Variants in PTPRT observed in about 807,000 individuals in gnomAD.
The protein encoded by PTPRT is protein tyrosine phosphatase receptor type T.
In PTPRT, 56 loss-of-function variants were observed where a neutral mutation model predicts 176.8. The ratio of observed to expected loss-of-function variants is 0.32; its 90% CI spans 0.26 to 0.40. The LOEUF is 0.40. Among genes scored for constraint, PTPRT ranks in the 10% least tolerant of loss-of-function variants. The probability of loss-of-function intolerance (pLI) is 1.00; values close to 1 mark genes in which losing one functional copy is unlikely to be tolerated. For synonymous variants in PTPRT, 783 were observed against 739.0 expected, an observed-to-expected ratio of 1.06 and a Z score of -0.96; for missense variants, 1,540 against 1,908.2, an observed-to-expected ratio of 0.81 and a Z score of 3.60.
chr20:42,070,002 G>A (rs966330846), downstream of PTPRT, among the ~76,000 whole-genome samples: 2 of 152,162 alleles, frequency 1.3e-5, no homozygotes, highest in African/African-American at 4.8e-5. Flanking sequence ...AGCCACTCAG[G>A]CCAAGCCTTT....
At chr20:42,159,624 G>A (rs887609753) in intron 17 of PTPRT, among the ~76,000 whole-genome samples, 5 of 151,996 alleles carry the variant, frequency 3.3e-5, no homozygotes, top group East Asian at 3.9e-4. Flanking sequence ...ACTCTAATTC[G>A]AATATCCTTT....
At chr20:42,274,592 T>TGTGTATGTGTGTG (rs2056997091) in intron 13 of PTPRT, among the ~76,000 whole-genome samples, 1 of 138,172 alleles carries the variant, frequency 7.2e-6, no homozygotes, top group African/African-American at 2.6e-5. Context: ...TGTGTGTGTG[T>TGTGTATGTGTGTG]TAGCCTGCAA....
At chr20:43,061,090 G>GGATGGATA (rs1304391828) in intron 1 of PTPRT, among the ~76,000 whole-genome samples, 9 of 140,496 alleles carry the variant, frequency 6.4e-5, no homozygotes, top group African/African-American at 2.6e-4. Context: ...ATAAATGAAT[G>GGATGGATA]GATGGATGGA....
chr20:42,881,392 A>G (rs2079007572), intron 2 of PTPRT, among the ~76,000 whole-genome samples: 1 of 152,202 alleles, frequency 6.6e-6, no homozygotes, highest in African/African-American at 2.4e-5. Flanking sequence ...CGGATAAGGG[A>G]AGATTGCCTT....
intron 7 of PTPRT, among the ~76,000 whole-genome samples, chr20:42,531,591 T>C (rs952992094): frequency 6.6e-6 from 1 of 152,148 alleles, no homozygotes; most frequent in African/African-American, 2.4e-5. Context: ...CAGTTTCATT[T>C]TGGGGTATAG....
chr20:42,231,309 T>C (rs554235068), intron 15 of PTPRT, among the ~76,000 whole-genome samples: 2 of 152,294 alleles, frequency 1.3e-5, no homozygotes, highest in African/African-American at 4.8e-5. Flanking sequence ...GTAAGAAGAA[T>C]GGGTAGGGCT....
intron 7 of PTPRT, among the ~76,000 whole-genome samples, chr20:42,514,574 C>A (rs928355022): frequency 6.6e-6 from 1 of 151,992 alleles, no homozygotes; most frequent in Non-Finnish European, 1.5e-5. Context: ...TTTGGGGGTG[C>A]CTTTTGAAGA....
intron 15 of PTPRT, among the ~76,000 whole-genome samples, chr20:42,217,181 C>T (rs1481111221): frequency 6.6e-6 from 1 of 151,994 alleles, no homozygotes; most frequent in Non-Finnish European, 1.5e-5. Flanking sequence ...CGAGACCAGC[C>T]TGGCCAACAT....
At chr20:42,890,999 T>A (rs1017700220) in intron 1 of PTPRT, among the ~76,000 whole-genome samples, 2 of 152,214 alleles carry the variant, frequency 1.3e-5, no homozygotes, top group African/African-American at 4.8e-5. Flanking sequence ...CCATGTAAGA[T>A]GTGCCTTTCA....
At chr20:43,115,265 G>T (rs2013015855) in intron 1 of PTPRT, among the ~76,000 whole-genome samples, 1 of 152,178 alleles carries the variant, frequency 6.6e-6, no homozygotes, top group African/African-American at 2.4e-5. Context: ...AAGACAGCAG[G>T]TACCAAGCAG....
At chr20:42,803,791 C>T (rs2077565594) in intron 2 of PTPRT, among the ~76,000 whole-genome samples, 1 of 152,152 alleles carries the variant, frequency 6.6e-6, no homozygotes, top group South Asian at 2.1e-4. Context: ...TGACCTCAGG[C>T]AATCTGCCCG....
intron 2 of PTPRT, among the ~76,000 whole-genome samples, chr20:42,862,040 G>GCA (rs150327242): frequency 6.2e-4 from 94 of 150,702 alleles, no homozygotes; most frequent in East Asian, 2.1e-3. Context: ...TTATACACAC[G>GCA]CACACACACA....
chr20:42,885,013 C>A (rs1349474843), intron 2 of PTPRT, among the ~76,000 whole-genome samples: 1 of 151,866 alleles, frequency 6.6e-6, no homozygotes, highest in South Asian at 2.1e-4. Context: ...TCAGGTGTAC[C>A]TCACAGGCCT....
At chr20:42,380,665 A>G (rs2058690356) in intron 9 of PTPRT, among the ~76,000 whole-genome samples, 1 of 152,156 alleles carries the variant, frequency 6.6e-6, no homozygotes, top group Non-Finnish European at 1.5e-5. Flanking sequence ...GTAGCTTTGC[A>G]TTGCACTTAT....
intron 1 of PTPRT, among the ~76,000 whole-genome samples, chr20:43,145,935 T>C (rs1022773307): frequency 2.6e-5 from 4 of 152,246 alleles, no homozygotes; most frequent in African/African-American, 9.6e-5. Flanking sequence ...AGATCATTTA[T>C]AGGACTTCGT....
chr20:43,106,135 G>T (rs975405564), intron 1 of PTPRT, among the ~76,000 whole-genome samples: 6 of 152,056 alleles, frequency 3.9e-5, no homozygotes, highest in African/African-American at 1.4e-4. Context: ...GGAACAGCAT[G>T]AACCAGAGGT....
At chr20:42,539,713 T>G (rs926259959) in intron 7 of PTPRT, among the ~76,000 whole-genome samples, 1 of 146,514 alleles carries the variant, frequency 6.8e-6, no homozygotes, top group African/African-American at 2.5e-5. Context: ...ACAGACCATA[T>G]TGCAAAACTG....
chr20:42,411,810 G>A (rs2059021552), intron 9 of PTPRT, among the ~76,000 whole-genome samples: 1 of 150,168 alleles, frequency 6.7e-6, no homozygotes, highest in Non-Finnish European at 1.5e-5. Flanking sequence ...AAATCCATAT[G>A]AAAACAGTTT....
intron 1 of PTPRT, among the ~76,000 whole-genome samples, chr20:42,932,583 G>A (rs545280724): frequency 5.3e-5 from 8 of 152,256 alleles, no homozygotes; most frequent in African/African-American, 1.7e-4. Flanking sequence ...CCTGGTCAGC[G>A]TCACCCTGCT....
Sources: gnomAD v4.1 joint callset for allele counts (sites outside exome capture counted in the v4.1 genomes callset) on GRCh38, gnomAD v4.1.1 for gene constraint, MANE v1.5 for transcripts, NCBI Gene and HGNC (gene_info 2026-07-23, HGNC 2026-07-21) for gene names.